GABRB1: variants seen among roughly 807,000 people sequenced by gnomAD.
GABRB1 encodes the protein gamma-aminobutyric acid type A receptor subunit beta1.
A neutral mutation model predicts 51.6 loss-of-function variants in GABRB1; 17 were observed. The ratio of observed to expected loss-of-function variants is 0.33; its 90% confidence interval spans 0.23 to 0.49. The LOEUF (loss-of-function observed/expected upper bound fraction) is 0.49, where lower values mean the gene tolerates loss of function less well. GABRB1 is among the 20% of genes least tolerant of loss of function. The pLI, the probability that GABRB1 is intolerant of heterozygous loss-of-function variation, is 0.99. For missense variants in GABRB1, 410 were observed against 600.6 expected (o/e 0.68, Z 3.32); for synonymous variants, 247 against 218.9 (o/e 1.13, Z -1.14).
intron 4 of GABRB1, among the ~76,000 whole-genome samples, chr4:47,214,759 T>C (rs1720489091): frequency 6.6e-6 from 1 of 152,164 alleles, no homozygotes; most frequent in Non-Finnish European, 1.5e-5. Context: ...TCTCCCACTT[T>C]TGTTTCTAAA....
rs1488026710 is a variant in GABRB1, at chr4:47,032,374, C to T, written c.173-43C>T. On this transcript the variant is annotated intron_variant, in intron 2 of 8. Coordinates refer to ENST00000295454, the MANE Select transcript of GABRB1 (RefSeq NM_000812.4). Reference sequence around the variant, plus strand: ...CCCCAGACCCTCCCCAGCCTGCTGTCACTGAGAGAATCTGTTCCTAATGTG... The same window carrying T: ...CCCCAGACCCTCCCCAGCCTGCTGTTACTGAGAGAATCTGTTCCTAATGTG... 4 of 1,527,250 alleles carry T rather than the reference C, an allele frequency of 2.6e-6. No individual in the cohort carries two copies. The African/African-American group carries it at 4.1e-5, about 16-fold the overall frequency. The allele number at this position is 1,527,250 out of a possible 1,614,324, so 94.6% of individuals were successfully genotyped here. A position where few individuals can be genotyped will look rare whatever the true frequency, so the allele number is the denominator to read the frequency against.
At chr4:47,215,518 G>GAA (rs913802686) in intron 4 of GABRB1, among the ~76,000 whole-genome samples, 2 of 151,754 alleles carry the variant, frequency 1.3e-5, no homozygotes, top group Admixed American at 1.3e-4. Flanking sequence ...AGAGAAGGGG[G>GAA]AAAAATCAAA....
At chr4:47,109,754 G>C (rs970785586) in intron 3 of GABRB1, among the ~76,000 whole-genome samples, 1 of 152,126 alleles carries the variant, frequency 6.6e-6, no homozygotes, top group Admixed American at 6.6e-5. Context: ...GGTGTTATCT[G>C]CATATAGAAA....
At chr4:47,199,899 G>A (rs1228236817) in intron 4 of GABRB1, among the ~76,000 whole-genome samples, 1 of 152,114 alleles carries the variant, frequency 6.6e-6, no homozygotes, top group African/African-American at 2.4e-5. Context: ...CCATTTTGTA[G>A]TCATGAATTT....
intron 3 of GABRB1, among the ~76,000 whole-genome samples, chr4:47,046,020 C>T (rs764671140): frequency 3.9e-5 from 6 of 152,022 alleles, no homozygotes; most frequent in East Asian, 1.9e-4. Context: ...GGGGCAGTTT[C>T]CTCCATGCTG....
intron 8 of GABRB1, among the ~76,000 whole-genome samples, chr4:47,416,986 C>T (rs571133494): frequency 6.6e-6 from 1 of 152,212 alleles, no homozygotes; most frequent in South Asian, 2.1e-4. Context: ...GAATCAGGAT[C>T]TATTTAAAAG....
chr4:47,134,625 G>A (rs1716561571), intron 3 of GABRB1, among the ~76,000 whole-genome samples: 2 of 152,038 alleles, frequency 1.3e-5, no homozygotes, highest in Admixed American at 1.3e-4. Context: ...CCAATAATAA[G>A]GAATCATCTG....
At chr4:47,397,279 C>T (rs1055876775) in intron 5 of GABRB1, among the ~76,000 whole-genome samples, 9 of 152,186 alleles carry the variant, frequency 5.9e-5, no homozygotes, top group African/African-American at 2.2e-4. Flanking sequence ...GATAGATCTA[C>T]AATTTATTTG....
chr4:47,094,936 T>C (rs1714336074), intron 3 of GABRB1, among the ~76,000 whole-genome samples: 1 of 152,032 alleles, frequency 6.6e-6, no homozygotes, highest in Admixed American at 6.5e-5. Context: ...AAAGTATACC[T>C]GCTAGGACTC....
intron 5 of GABRB1, among the ~76,000 whole-genome samples, chr4:47,335,443 G>A (rs888349219): frequency 5.9e-5 from 9 of 152,026 alleles, no homozygotes; most frequent in Admixed American, 4.6e-4. Context: ...CCCAACAAAT[G>A]CAAGATGATA....
At chr4:47,250,488 A>T (rs971183683) in intron 4 of GABRB1, among the ~76,000 whole-genome samples, 2 of 152,174 alleles carry the variant, frequency 1.3e-5, no homozygotes, top group African/African-American at 4.8e-5. Context: ...TTGTATTTAA[A>T]TGTCTAGGTC....
intron 4 of GABRB1, among the ~76,000 whole-genome samples, chr4:47,304,493 C>T (rs1310539939): frequency 6.6e-6 from 1 of 151,902 alleles, no homozygotes; most frequent in Non-Finnish European, 1.5e-5. Context: ...TGTTTTCTTG[C>T]TATTGATTTG....
At chr4:47,128,552 G>T (rs1439498880) in intron 3 of GABRB1, among the ~76,000 whole-genome samples, 1 of 151,962 alleles carries the variant, frequency 6.6e-6, no homozygotes, top group East Asian at 1.9e-4. Context: ...GACTCTATAT[G>T]TATAATTCCA....
intron 4 of GABRB1, among the ~76,000 whole-genome samples, chr4:47,197,917 T>C (rs1035115182): frequency 1.3e-5 from 2 of 152,210 alleles, no homozygotes; most frequent in African/African-American, 4.8e-5. Flanking sequence ...TATTAAAGCA[T>C]ATTCTTCCCA....
intron 4 of GABRB1, among the ~76,000 whole-genome samples, chr4:47,236,208 G>A (rs1027922562): frequency 2.0e-5 from 3 of 151,764 alleles, no homozygotes; most frequent in Admixed American, 6.6e-5. Context: ...TTTGAAATCC[G>A]AAAGCTTTGT....
rs116425426 is a variant in GABRB1 at position 47,241,243 on chromosome 4, C to A, written c.462-78884C>A. On this transcript the variant is annotated intron_variant, in intron 4 of 8. Coordinates refer to ENST00000295454, the MANE Select transcript of GABRB1 (RefSeq NM_000812.4). ...CTTTCATGCTGAAAATTACAATTTT[C>A]TTTTTTTTCCGAAAGTAATTTGGGC... 8.6e-3 allele frequency among the ~76,000 whole-genome samples: 1,297 copies of A among 151,502 alleles called. 24 individuals carry two copies. The highest frequency in any genetic ancestry group is 0.032 in the South Asian group (154 of 4,784).
At chr4:47,061,093 C>T (rs879763477) in intron 3 of GABRB1, among the ~76,000 whole-genome samples, 2 of 152,094 alleles carry the variant, frequency 1.3e-5, no homozygotes, top group African/African-American at 2.4e-5. Flanking sequence ...AATAATAATG[C>T]TTCACATAAT....
chr4:47,035,348 A>G (rs1179216696), intron 3 of GABRB1, among the ~76,000 whole-genome samples: 1 of 152,168 alleles, frequency 6.6e-6, no homozygotes, highest in African/African-American at 2.4e-5. Flanking sequence ...TTACATAGTA[A>G]AGAATCTCTA....
intron 4 of GABRB1, among the ~76,000 whole-genome samples, chr4:47,305,832 T>C (rs966668804): frequency 6.6e-6 from 1 of 152,138 alleles, no homozygotes; most frequent in Non-Finnish European, 1.5e-5. Flanking sequence ...TAACTCAAAC[T>C]GGGGACAGGA....
Sources: allele counts gnomAD v4.1 joint callset (sites outside exome capture counted in the v4.1 genomes callset), GRCh38; gene constraint gnomAD v4.1.1; transcripts MANE v1.5; gene names NCBI Gene and HGNC (gene_info 2026-07-23, HGNC 2026-07-21).